CBFA2T2: variants seen among roughly 807,000 people sequenced by gnomAD.
The protein encoded by CBFA2T2 is protein CBFA2T2.
CBFA2T2 carries 11 observed loss-of-function variants against 62.2 expected under a neutral mutation model. The ratio of observed to expected loss-of-function variants is 0.18; its 90% CI spans 0.11 to 0.29. CBFA2T2 has a LOEUF of 0.29. Among genes scored for constraint, CBFA2T2 ranks in the 10% least tolerant of loss-of-function variants. The probability of loss-of-function intolerance (pLI) is 1.00; values close to 1 mark genes in which losing one functional copy is unlikely to be tolerated. For synonymous variants in CBFA2T2, 295 were observed against 287.5 expected (o/e 1.03, Z -0.27); for missense variants, 592 against 774.1 (o/e 0.76, Z 2.79).
chr20:33,637,090 C>T (rs1477528068), intron 9 of CBFA2T2, among the ~76,000 whole-genome samples: 4 of 152,216 alleles, frequency 2.6e-5, no homozygotes, highest in Non-Finnish European at 5.9e-5. Flanking sequence ...CCAAATTCTG[C>T]TCTGGGCACA....
chr20:33,592,177 A>C (rs2146927242), intron 1 of CBFA2T2, among the ~76,000 whole-genome samples: 1 of 152,162 alleles, frequency 6.6e-6, no homozygotes, highest in Admixed American at 6.5e-5. Flanking sequence ...AGCCTGACCA[A>C]CATGGGGAAA....
intron 1 of CBFA2T2, among the ~76,000 whole-genome samples, chr20:33,498,747 TA>T (rs1255228042): frequency 6.6e-6 from 1 of 150,756 alleles, no homozygotes; most frequent in South Asian, 2.1e-4. Context: ...CTCAAAATAA[TA>T]AAAAATAATA....
intron 1 of CBFA2T2, among the ~76,000 whole-genome samples, chr20:33,573,410 A>G (rs2013658991): frequency 1.3e-5 from 2 of 152,024 alleles, no homozygotes; most frequent in South Asian, 2.1e-4. Context: ...CAAAGAGATG[A>G]TGGATGTAAG....
intron 1 of CBFA2T2, among the ~76,000 whole-genome samples, chr20:33,590,829 C>T (rs1317935757): frequency 2.0e-5 from 3 of 151,996 alleles, no homozygotes; most frequent in African/African-American, 7.3e-5. Context: ...ATTAAAAACT[C>T]GGTTTTTCAA....
At chr20:33,575,882 A>G (rs1189076670) in intron 1 of CBFA2T2, among the ~76,000 whole-genome samples, 1 of 150,476 alleles carries the variant, frequency 6.6e-6, no homozygotes, top group Non-Finnish European at 1.5e-5. Flanking sequence ...GGTTCACACC[A>G]CTCTCCTGCC....
intron 2 of CBFA2T2, among the ~76,000 whole-genome samples, chr20:33,608,612 A>G (rs1032083348): frequency 1.3e-5 from 2 of 152,208 alleles, no homozygotes; most frequent in Admixed American, 6.5e-5. Flanking sequence ...CCCTAGACAT[A>G]TATACTATCT....
At chr20:33,540,437 G>A (rs554437416) in intron 1 of CBFA2T2, among the ~76,000 whole-genome samples, 1 of 152,232 alleles carries the variant, frequency 6.6e-6, no homozygotes, top group South Asian at 2.1e-4. Flanking sequence ...TTTTAACAAT[G>A]GTGTTTGTAT....
Position 33,623,110 on chromosome 20 carries a change from T to A in CBFA2T2, c.511-5T>A. On this transcript the variant is annotated splice_region_variant and splice_polypyrimidine_tract_variant and intron_variant, in intron 4 of 10. Transcript: ENST00000342704. ...ACACTGGAAAAACTGCCTCTTCCTT[T>A]CAAGGCCAACCTGCCCCTGCTGCAG... The A allele has an allele frequency of 6.2e-7, 1 of 1,614,150 alleles. No individual in the cohort carries two copies. Among genetic ancestry groups the A allele is most frequent in the Non-Finnish European group, 8.5e-7 (1 of 1,180,026 alleles).
At chr20:33,627,409 A>T (rs2016280606) in intron 6 of CBFA2T2, among the ~76,000 whole-genome samples, 2 of 151,994 alleles carry the variant, frequency 1.3e-5, no homozygotes, top group South Asian at 2.1e-4. Context: ...GGGGGAAAAA[A>T]ACTGGCTTGC....
rs1022905455 is a variant in CBFA2T2 at position 33,646,548 on chromosome 20, A to G, written c.*1902A>G. The G allele has an allele frequency of 6.6e-6, 1 of 152,234 alleles. No individual in the cohort carries two copies. The highest frequency in any genetic ancestry group is 2.1e-4 in the South Asian group (1 of 4,836). 9.4% of individuals were successfully genotyped at this position (152,234 alleles called of 1,614,324 possible). On this transcript the variant is annotated 3_prime_UTR_variant, in exon 11 of 11. Transcript: ENST00000342704. ...TAGCCTTCTCCTTGGATACAGGTAC[A>G]TCTTACTGTAAGAATTTCAAGTCCT...
rs1399143764 is a variant in CBFA2T2, at chr20:33,629,760, C to T, written c.1074C>T (p.Arg358=). The change falls in exon 8 of 11, where the codon CGC becomes CGT. Residue 358 remains arginine, a synonymous_variant. Coordinates refer to ENST00000342704, the MANE Select transcript of CBFA2T2 (RefSeq NM_001032999.3). ...CIMEMVEKTR[R]SMAVLRRCQE... ...TGGAAATGGTAGAGAAAACAAGGCG[C>T]TCTATGGCAGTTCTGCGGCGCTGTC... 3.7e-6 allele frequency: 6 copies of T among 1,613,960 alleles called. No individual in the cohort carries two copies. The East Asian group carries it at 1.3e-4, about 36-fold the overall frequency.
At chr20:33,495,408 C>T (rs942969331) in intron 1 of CBFA2T2, among the ~76,000 whole-genome samples, 1 of 133,080 alleles carries the variant, frequency 7.5e-6, no homozygotes, top group African/African-American at 2.8e-5. Context: ...AAAAAAAAGG[C>T]CGGGCACGAT....
chr20:33,600,118 T>G (rs527401052), intron 1 of CBFA2T2, among the ~76,000 whole-genome samples: 1 of 151,788 alleles, frequency 6.6e-6, no homozygotes, highest in African/African-American at 2.4e-5. Context: ...AGGCTATAAA[T>G]GTAACAGTAA....
At chr20:33,536,665 GC>G (rs2146874519) in intron 1 of CBFA2T2, among the ~76,000 whole-genome samples, 1 of 151,694 alleles carries the variant, frequency 6.6e-6, no homozygotes, top group Non-Finnish European at 1.5e-5. Context: ...AGATGGGGCG[GC>G]CGGGCAGAGA....
At chr20:33,623,363 AAG>A in intron 5 of CBFA2T2, 67 bp downstream of exon 5, 4 of 1,559,534 alleles carry the variant, frequency 2.6e-6, no homozygotes, top group Admixed American at 1.7e-5. Flanking sequence ...TTGCTTATAA[AAG>A]AGAGAGAATT....
intron 1 of CBFA2T2, among the ~76,000 whole-genome samples, chr20:33,575,771 G>T (rs1198474759): frequency 6.6e-6 from 1 of 151,860 alleles, no homozygotes; most frequent in African/African-American, 2.4e-5. Context: ...CATCACAGAG[G>T]TGTTTATTTT....
At chr20:33,526,868 A>G (rs1298704568) in intron 1 of CBFA2T2, among the ~76,000 whole-genome samples, 1 of 152,216 alleles carries the variant, frequency 6.6e-6, no homozygotes, top group Non-Finnish European at 1.5e-5. Context: ...TCCTACTTCT[A>G]TCTCTTACTC....
intron 1 of CBFA2T2, among the ~76,000 whole-genome samples, chr20:33,565,903 C>A (rs1349908065): frequency 6.6e-6 from 1 of 152,092 alleles, no homozygotes; most frequent in African/African-American, 2.4e-5. Flanking sequence ...TCAAAAAATA[C>A]ATTTGAGTGA....
intron 1 of CBFA2T2, among the ~76,000 whole-genome samples, chr20:33,511,741 G>C (rs2011515623): frequency 6.6e-6 from 1 of 152,156 alleles, no homozygotes; most frequent in Non-Finnish European, 1.5e-5. Flanking sequence ...TAAAGCATTA[G>C]GGCATGGTGG....
Sources: allele counts gnomAD v4.1 joint callset (sites outside exome capture counted in the v4.1 genomes callset), GRCh38; gene constraint gnomAD v4.1.1; transcripts MANE v1.5; gene names NCBI Gene and HGNC (gene_info 2026-07-23, HGNC 2026-07-21).